Variants in ZNF676 observed in about 807,000 individuals in gnomAD.
ZNF676 encodes the protein zinc finger protein 676.
A neutral mutation model predicts 6.0 loss-of-function variants in ZNF676; 4 were observed. That is an observed-to-expected ratio of 0.67 (90% CI 0.33 to 1.53). ZNF676 has a LOEUF of 1.53. Among genes scored for constraint, ZNF676 ranks in the 40% most tolerant of loss-of-function variants. The pLI is 0.06. For missense variants in ZNF676, 644 were observed against 679.7 expected (o/e 0.95, Z 0.58); for synonymous variants, 198 against 223.1 (o/e 0.89, Z 1.00).
At chr19:22,253,436 G>A in the ZNF676 span, among the ~76,000 whole-genome samples, 1 of 103,158 alleles carries the variant, frequency 9.7e-6, no homozygotes, top group Non-Finnish European at 2.0e-5. Context: ...ATATATATAT[G>A]ATAATGTGTA....
the ZNF676 span, among the ~76,000 whole-genome samples, chr19:22,249,152 A>C: frequency 6.6e-6 from 1 of 152,250 alleles, no homozygotes; most frequent in African/African-American, 2.4e-5. Context: ...TGACATAAGT[A>C]ATCTTTGGGA....
chr19:22,254,624 A>G, the ZNF676 span, among the ~76,000 whole-genome samples: 4 of 152,138 alleles, frequency 2.6e-5, no homozygotes, highest in Non-Finnish European at 4.4e-5. Context: ...GAATGAACAG[A>G]TATGTTATAA....
chr19:22,191,305 A>G (rs1369235848), intron 2 of ZNF676, among the ~76,000 whole-genome samples: 1 of 152,154 alleles, frequency 6.6e-6, no homozygotes, highest in African/African-American at 2.4e-5. Flanking sequence ...AGACCAGAAA[A>G]TGTCCCACCC....
the ZNF676 span, among the ~76,000 whole-genome samples, chr19:22,235,024 GAAAGAAAGAAAAGA>G: frequency 1.7e-5 from 1 of 60,004 alleles, no homozygotes; most frequent in African/African-American, 7.3e-5. Context: ...AAGAAAGAAA[GAAAGAAAGAAAAGA>G]AAAGAAGGAA....
the ZNF676 span, among the ~76,000 whole-genome samples, chr19:22,253,245 T>C: frequency 1.5e-4 from 23 of 151,160 alleles, no homozygotes; most frequent in Admixed American, 2.6e-4. Context: ...AGAATGACAA[T>C]ATTTACTGCC....
intron 2 of ZNF676, among the ~76,000 whole-genome samples, chr19:22,190,642 TATATATATATATATATATATATAC>T (rs962350218): frequency 1.2e-4 from 14 of 120,048 alleles, no homozygotes; most frequent in African/African-American, 6.6e-4. Flanking sequence ...TATATATATA[TATATATATATATATATATATATAC>T]ATACACACTT....
chr19:22,179,355 C>T lies in ZNF676; in HGVS notation c.*595G>A, dbSNP rs1440018527. ...CTGTTAGAGGCTTTCCCACATTCTT[C>T]ACACATGCATGGTTTCTCTCCAGTA... On this transcript the variant is annotated 3_prime_UTR_variant, in exon 3 of 3. Transcript: ENST00000397121. 2 of 231,914 alleles carry T rather than the reference C, an allele frequency of 8.6e-6. No homozygotes were observed. The highest frequency in any genetic ancestry group is 1.7e-5 in the Non-Finnish European group (2 of 114,928). 14.4% of individuals were successfully genotyped at this position (231,914 alleles called of 1,614,324 possible). A position where few individuals can be genotyped will look rare whatever the true frequency, so the allele number is the denominator to read the frequency against.
chr19:22,240,086 A>T, the ZNF676 span, among the ~76,000 whole-genome samples: 1 of 152,234 alleles, frequency 6.6e-6, no homozygotes, highest in Non-Finnish European at 1.5e-5. Flanking sequence ...GAATCACATC[A>T]CATAAATGCT....
At chr19:22,211,074 T>C (rs2024125225) in intron 1 of ZNF676, among the ~76,000 whole-genome samples, 1 of 148,508 alleles carries the variant, frequency 6.7e-6, no homozygotes, top group Non-Finnish European at 1.5e-5. Flanking sequence ...CTTCCTCCTG[T>C]TGCAATACTC....
At chr19:22,244,066 C>T in the ZNF676 span, 19 of 147,182 alleles carry the variant, frequency 1.3e-4, no homozygotes, top group African/African-American at 4.8e-4. Flanking sequence ...TGAGAGGGAG[C>T]CTCATCTCAC....
intron 1 of ZNF676, among the ~76,000 whole-genome samples, chr19:22,212,828 C>T (rs1193856512): frequency 6.6e-6 from 1 of 151,966 alleles, no homozygotes; most frequent in African/African-American, 2.4e-5. Flanking sequence ...AATTCCATCT[C>T]TACCAAAAAT....
the ZNF676 span, among the ~76,000 whole-genome samples, chr19:22,253,368 G>GTATA: frequency 5.6e-3 from 328 of 58,198 alleles, 5 homozygotes; most frequent in Non-Finnish European, 7.8e-3. Context: ...GTGTGTGTGT[G>GTATA]TGTGTATATA....
At chr19:22,240,445 C>T in the ZNF676 span, among the ~76,000 whole-genome samples, 2 of 151,820 alleles carry the variant, frequency 1.3e-5, no homozygotes, top group African/African-American at 4.9e-5. Context: ...AGGCAGGAGA[C>T]TCACATCACC....
At chr19:22,229,891 CTGT>C in the ZNF676 span, among the ~76,000 whole-genome samples, 1 of 152,168 alleles carries the variant, frequency 6.6e-6, no homozygotes, top group African/African-American at 2.4e-5. Flanking sequence ...CACTTTCACA[CTGT>C]TGGGGGGAGT....
chr19:22,218,321 T>A (rs10401635), upstream of ZNF676, among the ~76,000 whole-genome samples: 3,505 of 151,966 alleles, frequency 0.023, 141 homozygotes, highest in African/African-American at 0.081. Context: ...AGGTGAGAGA[T>A]GAAGATACTT....
chr19:22,251,685 A>C, the ZNF676 span, among the ~76,000 whole-genome samples: 1 of 151,700 alleles, frequency 6.6e-6, no homozygotes, highest in South Asian at 2.1e-4. Context: ...CTACTGAGGA[A>C]GCTAAGGCAG....
chr19:22,186,471 C>T (rs1232824478), intron 2 of ZNF676, among the ~76,000 whole-genome samples: 1 of 152,128 alleles, frequency 6.6e-6, no homozygotes, highest in African/African-American at 2.4e-5. Flanking sequence ...GAAACTGCAT[C>T]AACTAATGGG....
chr19:22,240,745 T>A, the ZNF676 span, among the ~76,000 whole-genome samples: 1 of 151,852 alleles, frequency 6.6e-6, no homozygotes, highest in East Asian at 1.9e-4. Context: ...TGAAACAAGA[T>A]CATGCTACTG....
rs1398316398 is a variant in ZNF676, at chr19:22,181,236, T to C, written c.481A>G (p.Arg161Gly). The C allele has an allele frequency of 6.2e-7, 1 of 1,613,774 alleles. No individual in the cohort carries two copies. The highest frequency in any genetic ancestry group is 2.2e-5 in the East Asian group (1 of 44,866). ...TAGGAATTCTCTCTAGTATAAATTC[T>C]TTCATGTTGAGATAGGTGTGAAAGC... ...CMLSHLSQHE[R>G]IYTRENSYKC... Residue 161 changes from arginine to glycine, a missense_variant, in exon 3 of 3, where the codon AGA becomes GGA. Coordinates refer to ENST00000397121, the MANE Select transcript of ZNF676 (RefSeq NM_001001411.3).
Sources: allele counts gnomAD v4.1 joint callset (sites outside exome capture counted in the v4.1 genomes callset), GRCh38; gene constraint gnomAD v4.1.1; transcripts MANE v1.5; gene names NCBI Gene and HGNC (gene_info 2026-07-23, HGNC 2026-07-21).